The following PLEKHG3 variants were observed in gnomAD, a reference collection of about 807,000 sequenced individuals.
PLEKHG3 encodes the protein pleckstrin homology and RhoGEF domain containing G3, also known as pleckstrin homology domain-containing family G member 3.
A neutral mutation model predicts 94.9 loss-of-function variants in PLEKHG3; 62 were observed. The observed-to-expected ratio is 0.65, with a 90% CI of 0.53 to 0.81. The LOEUF (loss-of-function observed/expected upper bound fraction) is 0.81, where lower values mean the gene tolerates loss of function less well. Among genes scored for constraint, PLEKHG3 ranks in the 30% least tolerant of loss-of-function variants. PLEKHG3 has a pLI of 0.00. For missense variants in PLEKHG3, 1,461 were observed against 1,619.3 expected (o/e 0.90, Z 1.68); for synonymous variants, 614 against 654.0 (o/e 0.94, Z 0.93).
At chr14:64,712,714 A>G (rs1043525658) in intron 1 of PLEKHG3, among the ~76,000 whole-genome samples, 1 of 152,180 alleles carries the variant, frequency 6.6e-6, no homozygotes, top group African/African-American at 2.4e-5. Flanking sequence ...GTTTTGTGGT[A>G]GATTACTTAG....
Position 64,730,132 on chromosome 14 carries a change from C to T in PLEKHG3, c.450-111C>T, listed in dbSNP as rs1420982269. On this transcript the variant is annotated intron_variant, in intron 3 of 16. Coordinates refer to ENST00000247226, the MANE Select transcript of PLEKHG3 (RefSeq NM_001308147.2). This position sits in a 1 kb window ranked among gnomAD's most constrained non-coding sequence, Gnocchi z 5.4. ...GAGGCTAGAAGCCCCAGTTCTTTAG[C>T]AAAGCAATAGGGCTGGCTGTCAGTC... 1 of 643,848 alleles carries T rather than the reference C, an allele frequency of 1.6e-6. No individual in the cohort carries two copies. The highest frequency in any genetic ancestry group is 1.8e-5 in the African/African-American group (1 of 55,254). 39.9% of individuals were successfully genotyped at this position (643,848 alleles called of 1,614,324 possible).
chr14:64,740,161 C>T (rs906496391), intron 15 of PLEKHG3, among the ~76,000 whole-genome samples: 4 of 152,128 alleles, frequency 2.6e-5, no homozygotes, highest in African/African-American at 4.8e-5. Flanking sequence ...AACCCCATTT[C>T]GGGTGCTCAG....
In PLEKHG3 at chr14:64,738,165, GC is replaced by G. The variant is rs1008055598; in HGVS notation, c.1405-575del. 3 of 1,292,594 alleles carry G rather than the reference GC, an allele frequency of 2.3e-6. No homozygotes were observed. Among genetic ancestry groups the G allele is most frequent in the Non-Finnish European group, 3.0e-6 (3 of 991,008 alleles). 80.1% of individuals were successfully genotyped at this position (1,292,594 alleles called of 1,614,324 possible). A position where few individuals can be genotyped will look rare whatever the true frequency, so the allele number is the denominator to read the frequency against. On this transcript the variant is annotated intron_variant, in intron 14 of 16. Transcript: ENST00000247226. This position sits in a 1 kb window ranked among gnomAD's most constrained non-coding sequence, Gnocchi z 4.8. Reference sequence around the variant, plus strand: ...AGCCGACTTTGCCAGCTCCCTGCTGGCCGCCCTCCACTGCTGGCACTATCGG... The same window carrying G: ...AGCCGACTTTGCCAGCTCCCTGCTGGCGCCCTCCACTGCTGGCACTATCGG...
In PLEKHG3 at chr14:64,749,974, G is replaced by T. The variant is rs750047494; in HGVS notation, c.*6271G>T. ...ACCCGAGCTTTCAAAGGCCAGGAAG[G>T]CCTCACCTCAGCTTAAAGACGTGCT... On this transcript the variant is annotated 3_prime_UTR_variant, in exon 17 of 17. Transcript: ENST00000247226. The surrounding 1 kb of genome is among the most constrained non-coding windows in gnomAD (Gnocchi z 4.7). 1.9e-6 allele frequency: 3 copies of T among 1,614,206 alleles called. No homozygotes were observed. The highest frequency in any genetic ancestry group is 1.1e-5 in the South Asian group (1 of 91,086).
Position 64,716,131 on chromosome 14 carries a change from G to T in PLEKHG3, c.-40+11427G>T, listed in dbSNP as rs2081140794. On this transcript the variant is annotated intron_variant, in intron 1 of 16. Transcript: ENST00000247226. The surrounding 1 kb of genome is among the most constrained non-coding windows in gnomAD (Gnocchi z 5.0). ...TGGGGCCAGGCCAGGGGATGGGAAT[G>T]GGGTGGGATGGGGACTCTTTCAACT... 4.5e-6 allele frequency: 2 copies of T among 448,090 alleles called. No individual in the cohort carries two copies. The highest frequency in any genetic ancestry group is 9.0e-6 in the Non-Finnish European group (2 of 222,046). The allele number at this position is 448,090 out of a possible 1,614,324, so 27.8% of individuals were successfully genotyped here.
In PLEKHG3 at chr14:64,733,466, C is replaced by T. The variant is rs2081513098; in HGVS notation, c.1345+565C>T. Among the ~76,000 whole-genome samples, 2 of 152,160 alleles carry T rather than the reference C, an allele frequency of 1.3e-5. 1 individual carries two copies. Among genetic ancestry groups the T allele is most frequent in the South Asian group, 4.1e-4 (2 of 4,828 alleles). On this transcript the variant is annotated intron_variant, in intron 12 of 16. Transcript: ENST00000247226. ...TATAGGTGTGAGCCACTGTACCCGT[C>T]CAGCCCACCTTTTTCAAGGCCCTAG...
In PLEKHG3 at chr14:64,731,862, C is replaced by T. The variant is rs1215148808; in HGVS notation, c.1125+56C>T. 18 of 1,266,284 alleles carry T rather than the reference C, an allele frequency of 1.4e-5. No individual in the cohort carries two copies. Among genetic ancestry groups the T allele is most frequent in the African/African-American group, 4.4e-5 (3 of 68,116 alleles). 78.4% of individuals were successfully genotyped at this position (1,266,284 alleles called of 1,614,324 possible). A position where few individuals can be genotyped will look rare whatever the true frequency, so the allele number is the denominator to read the frequency against. On this transcript the variant is annotated intron_variant, in intron 9 of 16. Coordinates refer to ENST00000247226, the MANE Select transcript of PLEKHG3 (RefSeq NM_001308147.2). The surrounding 1 kb of genome is among the most constrained non-coding windows in gnomAD (Gnocchi z 6.1). ...GAACAAGATGCCCAGGGGACACCTG[C>T]GTGGGACTCCTGGCTCCTCTGCTCA...
In PLEKHG3 at chr14:64,741,928, C is replaced by T. The variant is rs781372866; in HGVS notation, c.2411C>T (p.Ser804Leu). 1 of 1,587,724 alleles carries T rather than the reference C, an allele frequency of 6.3e-7. No individual in the cohort carries two copies. The highest frequency in any genetic ancestry group is 1.8e-5 in the Admixed American group (1 of 55,498). Residue 804 changes from serine (S) to leucine (L), a missense_variant, in exon 16 of 17, where the codon TCA becomes TTA. Coordinates refer to ENST00000247226, the MANE Select transcript of PLEKHG3 (RefSeq NM_001308147.2). ...GTCAAAGGGGACCCACCTCCCATCT[C>T]AGATGCTGAGTTCCGCCCATCTTCA... Reference protein sequence around the residue: ...QAVKGDPPPISDAEFRPSSEI... With the variant: ...QAVKGDPPPILDAEFRPSSEI...
Position 64,727,751 on chromosome 14 carries a change from C to T in PLEKHG3, c.120C>T (p.Ser40=), listed in dbSNP as rs1406512442. The T allele has an allele frequency of 6.2e-7, 1 of 1,611,354 alleles. No individual in the cohort carries two copies. The highest frequency in any genetic ancestry group is 1.3e-5 in the African/African-American group (1 of 75,034). Residue 40 remains serine (S), a synonymous_variant, in exon 2 of 17, where the codon AGC becomes AGT. Coordinates refer to ENST00000247226, the MANE Select transcript of PLEKHG3 (RefSeq NM_001308147.2). This position sits in a 1 kb window ranked among gnomAD's most constrained non-coding sequence, Gnocchi z 6.0. ...GTCGCAGTGCCATGGAGGAGCCCAG[C>T]AGCTCCGAGGCTCCCGCCAAGAATG... is the stretch of plus-strand genomic sequence containing the variant. The part of the protein sequence containing the change: ...CDSRSAMEEP[S]SSEAPAKNGA...
At chr14:64,711,257 T>C (rs1363609551) in intron 1 of PLEKHG3, among the ~76,000 whole-genome samples, 1 of 152,172 alleles carries the variant, frequency 6.6e-6, no homozygotes, top group African/African-American at 2.4e-5. Flanking sequence ...CAAATGCTGC[T>C]TTTTGGATGC....
intron 1 of PLEKHG3, among the ~76,000 whole-genome samples, chr14:64,707,176 G>A (rs1023507872): frequency 2.6e-5 from 4 of 152,180 alleles, no homozygotes; most frequent in African/African-American, 7.2e-5. Context: ...GCCCTCCAGC[G>A]GGGGCCCTGG....
intron 1 of PLEKHG3, among the ~76,000 whole-genome samples, chr14:64,707,950 A>G (rs2080999328): frequency 6.6e-6 from 1 of 152,264 alleles, no homozygotes; most frequent in African/African-American, 2.4e-5. Flanking sequence ...TTGAATGCTT[A>G]GCAAAGACTA....
intron 12 of PLEKHG3, 45 bp from the exon 13 acceptor site, chr14:64,736,807 GC>G (rs772602082): frequency 6.8e-7 from 1 of 1,463,190 alleles, no homozygotes; most frequent in Non-Finnish European, 9.6e-7. Flanking sequence ...GCCAGGCACA[GC>G]AGTTTCCTGG....
intron 13 of PLEKHG3, 194 bp downstream of exon 13, chr14:64,737,085 C>G (rs1462459579): frequency 4.5e-6 from 3 of 668,394 alleles, no homozygotes; most frequent in Admixed American, 2.2e-5. Flanking sequence ...AGCTCTCCCC[C>G]ATGCACAGGC....
In PLEKHG3 at chr14:64,716,364, CG is replaced by C. The variant is rs1362997305; in HGVS notation, c.-39-11225del. On this transcript the variant is annotated intron_variant, in intron 1 of 16. Coordinates refer to ENST00000247226, the MANE Select transcript of PLEKHG3 (RefSeq NM_001308147.2). The surrounding 1 kb of genome is among the most constrained non-coding windows in gnomAD (Gnocchi z 5.0). ...TGGAGGCAACTGTAAATGGTTCTGC[CG>C]GGGACTTCAGGGGGACTTCATGTCG... Among the ~76,000 whole-genome samples, 11 of 151,428 alleles carry C rather than the reference CG, an allele frequency of 7.3e-5. No homozygotes were observed. In the South Asian group the frequency reaches 2.1e-3, roughly 29 times the overall value.
chr14:64,708,004 G>A (rs2081000532), intron 1 of PLEKHG3, among the ~76,000 whole-genome samples: 1 of 152,246 alleles, frequency 6.6e-6, no homozygotes, highest in Non-Finnish European at 1.5e-5. Flanking sequence ...ATTCTGCAGG[G>A]GTAGCATGAG....
In PLEKHG3 at chr14:64,731,474, C is replaced by T. The variant is rs866432130; in HGVS notation, c.963C>T (p.Phe321=). 1 of 1,614,126 alleles carries T rather than the reference C, an allele frequency of 6.2e-7. No individual in the cohort carries two copies. The highest frequency in any genetic ancestry group is 8.5e-7 in the Non-Finnish European group (1 of 1,180,004). The change falls in exon 8 of 17, where the codon TTC becomes TTT. Residue 321 remains phenylalanine, a synonymous_variant. Coordinates refer to ENST00000247226, the MANE Select transcript of PLEKHG3 (RefSeq NM_001308147.2). The surrounding 1 kb of genome is among the most constrained non-coding windows in gnomAD (Gnocchi z 6.1). ...GCGTGCGCAATGAAAGGACCTTTTT[C>T]CTCTTTGACAAAACACTGCTTATCA... ...VHRVRNERTF[F]LFDKTLLITK...
At chr14:64,742,534 G>A (rs967434059) in intron 16 of PLEKHG3, 79 bp downstream of exon 16, 7 of 1,078,010 alleles carry the variant, frequency 6.5e-6, no homozygotes, top group Non-Finnish European at 9.1e-6. Context: ...GGCTCCTCGG[G>A]GAAAGTGACC....
chr14:64,708,580 A>G (rs2081011538), intron 1 of PLEKHG3, among the ~76,000 whole-genome samples: 1 of 152,148 alleles, frequency 6.6e-6, no homozygotes, highest in Non-Finnish European at 1.5e-5. Flanking sequence ...GACAGACACA[A>G]TGAGAACTCA....
Sources: gnomAD v4.1 joint callset for allele counts (sites outside exome capture counted in the v4.1 genomes callset) on GRCh38, gnomAD v4.1.1 for gene constraint, Gnocchi (gnomAD v3.1) non-coding constraint, MANE v1.5 for transcripts, NCBI Gene and HGNC (gene_info 2026-07-23, HGNC 2026-07-21) for gene names.